Variants in C1orf167 observed in about 807,000 individuals in gnomAD.
C1orf167 encodes chromosome 1 open reading frame 167.
A neutral mutation model predicts 176.5 loss-of-function variants in C1orf167; 153 were observed. That is an observed-to-expected ratio of 0.87 (90% CI 0.76 to 0.99). The LOEUF is 0.99. C1orf167 is among the 50% of genes least tolerant of loss of function. The probability of loss-of-function intolerance (pLI) is 0.00; values close to 1 mark genes in which losing one functional copy is unlikely to be tolerated. For synonymous variants in C1orf167, 594 were observed against 752.7 expected, an observed-to-expected ratio of 0.79 and a Z score of 3.45; for missense variants, 1,490 against 1,817.7, an observed-to-expected ratio of 0.82 and a Z score of 3.28.
At chr1:11,780,997 G>GTAT (rs1436028985) in intron 13 of C1orf167, among the ~76,000 whole-genome samples, 2 of 81,576 alleles carry the variant, frequency 2.5e-5, no homozygotes, top group East Asian at 5.0e-4. Flanking sequence ...GGCCCAACCA[G>GTAT]TCTTTTTTTT....
intron 14 of C1orf167, among the ~76,000 whole-genome samples, chr1:11,782,850 C>T (rs187724271): frequency 1.4e-5 from 2 of 144,974 alleles, no homozygotes; most frequent in African/African-American, 5.2e-5. Context: ...ATCCGGGAGG[C>T]GGAGGTTGCA....
intron 13 of C1orf167, among the ~76,000 whole-genome samples, chr1:11,781,633 G>T (rs137985501): frequency 6.6e-6 from 1 of 152,118 alleles, no homozygotes; most frequent in Non-Finnish European, 1.5e-5. Flanking sequence ...TTTTTGGGCC[G>T]GGCGCAGTGG....
At chr1:11,772,410 A>C (rs1318849896) in intron 8 of C1orf167, among the ~76,000 whole-genome samples, 151 bp downstream of exon 8, 1 of 148,206 alleles carries the variant, frequency 6.7e-6, no homozygotes, top group African/African-American at 2.5e-5. Context: ...GACCATAAGC[A>C]TGTGCCACCA....
At position 11,766,575 on chromosome 1, in the gene C1orf167, C is replaced by T. The variant is rs1166993382; in HGVS notation, c.789C>T (p.Pro263=). The T allele has an allele frequency of 7.1e-6, 9 of 1,261,342 alleles. No homozygotes were observed. Among genetic ancestry groups the T allele is most frequent in the Non-Finnish European group, 6.2e-6 (6 of 974,252 alleles). The allele number at this position is 1,261,342 out of a possible 1,614,324, so 78.1% of individuals were successfully genotyped here. ...RLRCQAPQEP[P]GAVQQDLWTG... is the part of the protein sequence containing the mutation. ...GGTGCCAGGCTCCCCAGGAACCCCC[C>T]GGTGCTGTGCAGCAGGACCTCTGGA... Residue 263 remains proline (P), a synonymous_variant, in exon 3 of 21, where the codon CCC becomes CCT. Transcript: ENST00000688073. This position sits in a 1 kb window ranked among gnomAD's most constrained non-coding sequence, Gnocchi z 4.5.
chr1:11,769,992 A>T (rs1047577898), intron 6 of C1orf167, among the ~76,000 whole-genome samples: 1 of 152,104 alleles, frequency 6.6e-6, no homozygotes, highest in Admixed American at 6.6e-5. Context: ...GTTTCCAATC[A>T]TAGCAGTAAT....
chr1:11,769,153 G>C (rs559561767), intron 6 of C1orf167, 26 bp downstream of exon 6: 2 of 985,758 alleles, frequency 2.0e-6, no homozygotes, highest in African/African-American at 3.5e-5. Flanking sequence ...CTGGGAAGCC[G>C]GTGGCCTTTC....
chr1:11,774,013 C>G (rs1380873059), intron 8 of C1orf167, among the ~76,000 whole-genome samples: 1 of 151,898 alleles, frequency 6.6e-6, no homozygotes, highest in East Asian at 1.9e-4. Context: ...AAGGGATCCT[C>G]TCACCTCTGC....
intron 13 of C1orf167, 90 bp downstream of exon 13, chr1:11,780,100 A>G: frequency 2.0e-6 from 2 of 1,012,910 alleles, no homozygotes; most frequent in African/African-American, 3.4e-5. Context: ...CAACAACTTG[A>G]CTGTAACCGC....
rs951015492 is a variant in C1orf167, at chr1:11,784,365, G to A, written c.3197G>A (p.Cys1066Tyr). 6.1e-6 allele frequency: 8 copies of A among 1,304,142 alleles called. No individual in the cohort carries two copies. In the South Asian group the frequency reaches 9.9e-5, roughly 16 times the overall value. 80.8% of individuals were successfully genotyped at this position (1,304,142 alleles called of 1,614,324 possible). ...AQASLARWRS[C>Y]GQQGQEDGQQ... Reference sequence around the variant, plus strand: ...GCCTCCCTTGCCCGCTGGAGAAGCTGCGGGCAGCAAGGCCAGGAAGATGGG... The same window carrying A: ...GCCTCCCTTGCCCGCTGGAGAAGCTACGGGCAGCAAGGCCAGGAAGATGGG... Residue 1066 changes from cysteine (C) to tyrosine (Y), a missense_variant, in exon 15 of 21, where the codon TGC becomes TAC. Coordinates refer to ENST00000688073, the MANE Select transcript of C1orf167 (RefSeq NM_001010881.2).
Position 11,769,016 on chromosome 1 carries a change from T to A in C1orf167, c.1586T>A (p.Met529Lys), listed in dbSNP as rs2100267912. The part of the protein sequence containing the change: ...ALQQKQVQPH[M>K]QAGPGSPPSR... ...CAGCAGAAACAAGTACAGCCCCACATGCAGGCTGGGCCAGGGTCCCCGCCC... is the reference window on the plus strand; with the variant it reads ...CAGCAGAAACAAGTACAGCCCCACAAGCAGGCTGGGCCAGGGTCCCCGCCC... Residue 529 changes from methionine to lysine, a missense_variant, in exon 6 of 21, where the codon ATG (methionine) becomes AAG (lysine). Transcript: ENST00000688073. 1.0e-6 allele frequency: 1 copy of A among 985,838 alleles called. No individual in the cohort carries two copies. The highest frequency in any genetic ancestry group is 1.2e-6 in the Non-Finnish European group (1 of 829,942). The allele number at this position is 985,838 out of a possible 1,614,324, so 61.1% of individuals were successfully genotyped here. A position where few individuals can be genotyped will look rare whatever the true frequency, so the allele number is the denominator to read the frequency against.
At chr1:11,780,908 C>G (rs1191044865) in intron 13 of C1orf167, among the ~76,000 whole-genome samples, 2 of 151,024 alleles carry the variant, frequency 1.3e-5, no homozygotes, top group African/African-American at 4.9e-5. Flanking sequence ...AGGAATGTGG[C>G]CAGTGAAGGG....
In C1orf167 at chr1:11,768,872, T is replaced by A. The variant is rs1476552176; in HGVS notation, c.1543-101T>A. On this transcript the variant is annotated intron_variant, in intron 5 of 20. Coordinates refer to ENST00000688073, the MANE Select transcript of C1orf167 (RefSeq NM_001010881.2). This position sits in a 1 kb window ranked among gnomAD's most constrained non-coding sequence, Gnocchi z 4.5. The stretch of plus-strand genomic sequence containing the variant: ...ATGGTTAAGACCACAGGCTGTGGAA[T>A]CTGATAGGCATGTGTTACTCCTGTC... 2 of 814,682 alleles carry A rather than the reference T, an allele frequency of 2.5e-6. No individual in the cohort carries two copies. Among genetic ancestry groups the A allele is most frequent in the Non-Finnish European group, 3.0e-6 (2 of 674,112 alleles). 50.5% of individuals were successfully genotyped at this position (814,682 alleles called of 1,614,324 possible). A position where few individuals can be genotyped will look rare whatever the true frequency, so the allele number is the denominator to read the frequency against.
chr1:11,766,797 T>G lies in C1orf167; in HGVS notation c.1011T>G (p.Asp337Glu), dbSNP rs994890992. 2.3e-6 allele frequency: 3 copies of G among 1,289,614 alleles called. No individual in the cohort carries two copies. The highest frequency in any genetic ancestry group is 3.0e-6 in the Non-Finnish European group (3 of 988,798). 79.9% of individuals were successfully genotyped at this position (1,289,614 alleles called of 1,614,324 possible). A position where few individuals can be genotyped will look rare whatever the true frequency, so the allele number is the denominator to read the frequency against. The change falls in exon 3 of 21, where the codon GAT becomes GAG. Residue 337 changes from aspartate (D) to glutamate (E), a missense_variant. Asp to Glu is a conservative substitution (Grantham distance 45). Coordinates refer to ENST00000688073, the MANE Select transcript of C1orf167 (RefSeq NM_001010881.2). This position sits in a 1 kb window ranked among gnomAD's most constrained non-coding sequence, Gnocchi z 4.5. ...PETTLGTRTK[D>E]SLNPEQGLPP... is the part of the protein sequence containing the mutation. ...CCACTTTGGGGACACGGACCAAGGATTCCCTTAATCCTGAGCAGGGGCTCC... is the reference window on the plus strand; with the variant it reads ...CCACTTTGGGGACACGGACCAAGGAGTCCCTTAATCCTGAGCAGGGGCTCC...
Position 11,785,281 on chromosome 1 carries a change from G to A in C1orf167, c.3559G>A (p.Ala1187Thr), listed in dbSNP as rs1356682506. ...QLRVRLGLPG[A>T]GKTRSCWTQA... ...CAGGGTGCGGCTGGGACTGCCAGGG[G>A]CCGGCAAGGTACGCCCCAAGCCCCA... The change falls in exon 16 of 21, where the codon GCC (alanine) becomes ACC (threonine). Residue 1187 changes from alanine to threonine, a missense_variant. Coordinates refer to ENST00000688073, the MANE Select transcript of C1orf167 (RefSeq NM_001010881.2). 4 of 1,286,438 alleles carry A rather than the reference G, an allele frequency of 3.1e-6. No individual in the cohort carries two copies. Among genetic ancestry groups the A allele is most frequent in the African/African-American group, 3.0e-5 (2 of 65,760 alleles). The allele number at this position is 1,286,438 out of a possible 1,614,324, so 79.7% of individuals were successfully genotyped here.
rs752517980 is a variant in C1orf167 at position 11,788,299 on chromosome 1, C to A, written c.3999C>A (p.Phe1333Leu). The change falls in exon 19 of 21, where the codon TTC becomes TTA. Residue 1333 changes from phenylalanine (F) to leucine (L), a missense_variant. By Grantham distance (22) the Phe-to-Leu change is conservative. Coordinates refer to ENST00000688073, the MANE Select transcript of C1orf167 (RefSeq NM_001010881.2). ...PRGTASRAAG[F>L]PAGQVPGSGM... ...GCACTGCTTCACGGGCTGCGGGGTT[C>A]CCAGCAGGCCAGGTGCCTGGCAGTG... 3.1e-5 allele frequency: 41 copies of A among 1,303,344 alleles called. No homozygotes were observed. The highest frequency in any genetic ancestry group is 7.1e-6 in the Non-Finnish European group (7 of 988,490). 80.7% of individuals were successfully genotyped at this position (1,303,344 alleles called of 1,614,324 possible).
At chr1:11,773,403 GACTCT>G (rs1643170906) in intron 8 of C1orf167, among the ~76,000 whole-genome samples, 1 of 151,780 alleles carries the variant, frequency 6.6e-6, no homozygotes, top group South Asian at 2.1e-4. Flanking sequence ...AAAAGATAAG[GACTCT>G]TTAGAAACAT....
Position 11,772,153 on chromosome 1 carries a change from G to A in C1orf167, c.1882G>A (p.Ala628Thr), listed in dbSNP as rs1181212378. Residue 628 changes from alanine to threonine, a missense_variant, in exon 8 of 21, where the codon GCC becomes ACC. Ala to Thr is a moderately conservative substitution (Grantham distance 58). Coordinates refer to ENST00000688073, the MANE Select transcript of C1orf167 (RefSeq NM_001010881.2). ...GGAGACTCTGCGGAAGGCCACCAGG[G>A]CCACACAGAGGACAGGGAGCTTCCC... ...ERETLRKATR[A>T]TQRTGSFPQA... The A allele has an allele frequency of 2.3e-5, 30 of 1,304,208 alleles. 1 individual carries two copies. In the South Asian group the frequency reaches 3.1e-4, roughly 13 times the overall value. The allele number at this position is 1,304,208 out of a possible 1,614,324, so 80.8% of individuals were successfully genotyped here. A position where few individuals can be genotyped will look rare whatever the true frequency, so the allele number is the denominator to read the frequency against.
chr1:11,768,348 G>A lies in C1orf167; in HGVS notation c.1542+73G>A, dbSNP rs1192227762. 8.1e-6 allele frequency: 10 copies of A among 1,228,072 alleles called. No individual in the cohort carries two copies. The highest frequency in any genetic ancestry group is 2.2e-4 in the Middle Eastern group (1 of 4,538). 76.1% of individuals were successfully genotyped at this position (1,228,072 alleles called of 1,614,324 possible). On this transcript the variant is annotated intron_variant, in intron 5 of 20. Transcript: ENST00000688073. This position sits in a 1 kb window ranked among gnomAD's most constrained non-coding sequence, Gnocchi z 4.5. ...TGTCTGGGGAGGAGACTCAGTCTAC[G>A]GAGAGGACACCCACTGGGCATAGGT...
intron 8 of C1orf167, among the ~76,000 whole-genome samples, chr1:11,773,826 C>T (rs1166118309): frequency 6.6e-6 from 1 of 152,088 alleles, no homozygotes; most frequent in East Asian, 1.9e-4. Context: ...TTCACATTTG[C>T]AAGTATATAT....
Sources: gnomAD v4.1 joint callset for allele counts (sites outside exome capture counted in the v4.1 genomes callset) on GRCh38, gnomAD v4.1.1 for gene constraint, Gnocchi (gnomAD v3.1) non-coding constraint, MANE v1.5 for transcripts, NCBI Gene and HGNC (gene_info 2026-07-23, HGNC 2026-07-21) for gene names.